Variants in GREB1L observed in about 807,000 individuals in gnomAD.
GREB1L encodes the protein GREB1 like retinoic acid receptor coactivator.
Under a neutral mutation model 200.8 loss-of-function variants are expected in GREB1L, and 17 were observed. The observed-to-expected ratio is 0.08, with a 90% CI of 0.06 to 0.13. The LOEUF (loss-of-function observed/expected upper bound fraction) is 0.13. Ranked by LOEUF, GREB1L falls within the 10% of genes least tolerant of loss-of-function variation. GREB1L has a pLI of 1.00. For synonymous variants in GREB1L, 789 were observed against 893.0 expected (o/e 0.88, Z 2.08); for missense variants, 1,657 against 2,367.7 (o/e 0.70, Z 6.23).
chr18:21,476,393 G>GGA (rs140892061), intron 16 of GREB1L, among the ~76,000 whole-genome samples: 8 of 150,942 alleles, frequency 5.3e-5, no homozygotes, highest in South Asian at 2.1e-4. Flanking sequence ...AGGAAGGGAG[G>GGA]GAGAGAGAGA....
intron 2 of GREB1L, among the ~76,000 whole-genome samples, chr18:21,367,500 G>A (rs2039721479): frequency 6.6e-6 from 1 of 152,046 alleles, no homozygotes; most frequent in Admixed American, 6.6e-5. Flanking sequence ...AGGTAAGCCG[G>A]GAACTTACAT....
intron 17 of GREB1L, among the ~76,000 whole-genome samples, 157 bp downstream of exon 17, chr18:21,477,513 G>C (rs575409339): frequency 6.6e-6 from 1 of 152,174 alleles, no homozygotes; most frequent in Non-Finnish European, 1.5e-5. Context: ...CTGGCTGGGT[G>C]CGGTGGCTCA....
chr18:21,382,197 T>A (rs900572431), intron 2 of GREB1L, among the ~76,000 whole-genome samples: 15 of 151,892 alleles, frequency 9.9e-5, no homozygotes, highest in Non-Finnish European at 1.9e-4. Flanking sequence ...ATACGAAAAT[T>A]AGCCTGGTAT....
At position 21,463,970 on chromosome 18, in the gene GREB1L, G is replaced by C. The variant is rs552533539; in HGVS notation, c.2183-9061G>C. On this transcript the variant is annotated intron_variant, in intron 15 of 32. Coordinates refer to ENST00000424526, the MANE Select transcript of GREB1L (RefSeq NM_001142966.3). ...GGCAGCCTGCCTGAGGGGATTTATG[G>C]CTAAATTTGGAAATTTCTAGCGTCA... is the stretch of plus-strand genomic sequence containing the variant. 2.6e-5 allele frequency among the ~76,000 whole-genome samples: 4 copies of C among 152,264 alleles called. No homozygotes were observed. In the East Asian group the frequency reaches 7.7e-4, roughly 29 times the overall value.
chr18:21,398,058 T>G (rs1164518583), intron 5 of GREB1L, among the ~76,000 whole-genome samples: 4 of 152,210 alleles, frequency 2.6e-5, no homozygotes, highest in Non-Finnish European at 5.9e-5. Context: ...TCTCTCATAA[T>G]GCATTTTTTG....
intron 1 of GREB1L, among the ~76,000 whole-genome samples, chr18:21,298,877 A>G (rs1406292845): frequency 6.6e-6 from 1 of 151,126 alleles, no homozygotes; most frequent in Non-Finnish European, 1.5e-5. Flanking sequence ...GAGGCTGCAT[A>G]TGAGCTGTGA....
At chr18:21,324,999 C>G (rs1163553690) in intron 1 of GREB1L, among the ~76,000 whole-genome samples, 1 of 151,744 alleles carries the variant, frequency 6.6e-6, no homozygotes. Flanking sequence ...CCAGGATTGC[C>G]TTTTCATTGC....
In GREB1L at chr18:21,490,472, G is replaced by T. The variant is rs2036289843; in HGVS notation, c.3030+121G>T. 3 of 779,818 alleles carry T rather than the reference G, an allele frequency of 3.8e-6. No individual in the cohort carries two copies. The Admixed American group carries it at 8.4e-5, about 22-fold the overall frequency. The allele number at this position is 779,818 out of a possible 1,614,324, so 48.3% of individuals were successfully genotyped here. ...ATCACATGTGTGATTCCATGACAAT[G>T]ATAAGGCTAAATTAAGGGACATATT... On this transcript the variant is annotated intron_variant, in intron 19 of 32. Transcript: ENST00000424526.
intron 2 of GREB1L, among the ~76,000 whole-genome samples, chr18:21,379,480 C>T (rs561439595): frequency 6.6e-6 from 1 of 152,182 alleles, no homozygotes; most frequent in East Asian, 1.9e-4. Context: ...GCTGAGATTA[C>T]TGATGTGAGC....
intron 4 of GREB1L, among the ~76,000 whole-genome samples, chr18:21,394,140 G>A (rs2040944420): frequency 6.6e-6 from 1 of 152,160 alleles, no homozygotes; most frequent in Non-Finnish European, 1.5e-5. Flanking sequence ...TTGGCTCCAT[G>A]TTCAGATTTT....
intron 4 of GREB1L, among the ~76,000 whole-genome samples, chr18:21,392,062 A>G (rs1176455173): frequency 6.6e-6 from 1 of 152,190 alleles, no homozygotes; most frequent in African/African-American, 2.4e-5. Context: ...CACCCGCCTC[A>G]GCCTCCCAAA....
At chr18:21,420,235 G>A (rs537550272) in intron 7 of GREB1L, among the ~76,000 whole-genome samples, 69 of 152,166 alleles carry the variant, frequency 4.5e-4, no homozygotes, top group African/African-American at 1.7e-3. Flanking sequence ...AGCCAGGCAT[G>A]GTGGCGGGTG....
chr18:21,290,156 T>C (rs1361509409), intron 1 of GREB1L, among the ~76,000 whole-genome samples: 1 of 152,222 alleles, frequency 6.6e-6, no homozygotes, highest in Admixed American at 6.5e-5. Flanking sequence ...ATAGAACACC[T>C]GCTTTCATAT....
intron 1 of GREB1L, among the ~76,000 whole-genome samples, chr18:21,351,402 G>A (rs576016684): frequency 8.5e-5 from 13 of 152,130 alleles, no homozygotes; most frequent in African/African-American, 2.7e-4. Flanking sequence ...GTGAAACCCC[G>A]TCTCTACTAG....
chr18:21,242,784 G>C (rs1467948713), intron 1 of GREB1L, among the ~76,000 whole-genome samples: 1 of 152,126 alleles, frequency 6.6e-6, no homozygotes, highest in Non-Finnish European at 1.5e-5. Context: ...CGAGTAGCGC[G>C]GGGTCCCCCG....
intron 7 of GREB1L, among the ~76,000 whole-genome samples, chr18:21,433,350 A>C (rs2033305259): frequency 6.6e-6 from 1 of 152,226 alleles, no homozygotes; most frequent in Non-Finnish European, 1.5e-5. Context: ...ATATAAGATG[A>C]ATTATCACTC....
chr18:21,440,358 G>C lies in GREB1L; in HGVS notation c.1039G>C (p.Val347Leu). 6.4e-7 allele frequency: 1 copy of C among 1,551,814 alleles called. No individual in the cohort carries two copies. Residue 347 changes from valine to leucine, a missense_variant, in exon 9 of 33, where the codon GTC becomes CTC. Transcript: ENST00000424526. ...PLPQPGLVVP[V>L]PTVRPLSRTE... ...CCCCCAACCTGGCTTAGTTGTACCT[G>C]TCCCTACAGTTCGCCCTCTTTCAAG... is the stretch of plus-strand genomic sequence containing the variant.
intron 1 of GREB1L, among the ~76,000 whole-genome samples, chr18:21,311,367 G>C (rs571343526): frequency 6.6e-5 from 10 of 152,112 alleles, no homozygotes; most frequent in Non-Finnish European, 1.5e-4. Flanking sequence ...AGTTAATAGG[G>C]GTATAGAGGT....
At chr18:21,290,824 CAAA>C (rs752840997) in intron 1 of GREB1L, among the ~76,000 whole-genome samples, 7 of 63,200 alleles carry the variant, frequency 1.1e-4, no homozygotes, top group African/African-American at 5.0e-5. Flanking sequence ...GACTCTGTCT[CAAA>C]AAAAAAAAAA....
Sources: gnomAD v4.1 joint callset for allele counts (sites outside exome capture counted in the v4.1 genomes callset) on GRCh38, gnomAD v4.1.1 for gene constraint, MANE v1.5 for transcripts, NCBI Gene and HGNC (gene_info 2026-07-23, HGNC 2026-07-21) for gene names.